The following MAP3K4 variants were observed in gnomAD, a reference collection of about 807,000 sequenced individuals.
The protein encoded by MAP3K4 is mitogen-activated protein kinase kinase kinase 4.
A neutral mutation model predicts 185.6 loss-of-function variants in MAP3K4; 67 were observed. The observed-to-expected ratio is 0.36, with a 90% CI of 0.30 to 0.44. MAP3K4 has a LOEUF of 0.44. MAP3K4 is among the 20% of genes least tolerant of loss of function. MAP3K4 has a pLI of 1.00. For synonymous variants in MAP3K4, 702 were observed against 710.4 expected (o/e 0.99, Z 0.19); for missense variants, 1,551 against 1,995.1 (o/e 0.78, Z 4.24).
At chr6:160,997,652 G>A (rs73022077) in intron 1 of MAP3K4, among the ~76,000 whole-genome samples, 4,280 of 152,244 alleles carry the variant, frequency 0.028, 133 homozygotes, top group African/African-American at 0.076. Context: ...ATTTGAGGTA[G>A]TTTTTCATCT....
chr6:161,055,305 A>G (rs1305680442), intron 3 of MAP3K4, among the ~76,000 whole-genome samples: 2 of 152,218 alleles, frequency 1.3e-5, no homozygotes, highest in African/African-American at 2.4e-5. Context: ...TTACAGTTCA[A>G]TTTAGCTTAG....
chr6:161,045,560 G>A (rs1314671544), intron 2 of MAP3K4, among the ~76,000 whole-genome samples: 1 of 152,122 alleles, frequency 6.6e-6, no homozygotes, highest in Admixed American at 6.5e-5. Flanking sequence ...TTTGCCCCTG[G>A]TAAGTGTAGC....
At chr6:161,018,117 G>A (rs1488521510) in intron 1 of MAP3K4, among the ~76,000 whole-genome samples, 1 of 152,122 alleles carries the variant, frequency 6.6e-6, no homozygotes, top group Non-Finnish European at 1.5e-5. Flanking sequence ...ACTGTGTTGC[G>A]GGGAAGAATA....
rs1784162346 is a variant in MAP3K4, at chr6:161,054,770, G to A, written c.1707+4791G>A. On this transcript the variant is annotated intron_variant, in intron 3 of 26. Coordinates refer to ENST00000392142, the MANE Select transcript of MAP3K4 (RefSeq NM_005922.4). The surrounding 1 kb of genome is among the most constrained non-coding windows in gnomAD (Gnocchi z 4.2). ...TATAGAAACAGTGTTGTAAATAAGAGAGTCTCAGATTATCAAATGAAACTT... is the reference window on the plus strand; with the variant it reads ...TATAGAAACAGTGTTGTAAATAAGAAAGTCTCAGATTATCAAATGAAACTT... Among the ~76,000 whole-genome samples the A allele has an allele frequency of 2.0e-5, 3 of 152,154 alleles. No homozygotes were observed. The highest frequency in any genetic ancestry group is 1.3e-4 in the Admixed American group (2 of 15,278).
rs1052368057 is a variant in MAP3K4 at position 161,037,075 on chromosome 6, C to T, written c.343+2626C>T. Reference sequence around the variant, plus strand: ...GAAAGTGGCTTCACATGTATGCCAGCTGGTGAACTATTTCTTGCGGACATT... The same window carrying T: ...GAAAGTGGCTTCACATGTATGCCAGTTGGTGAACTATTTCTTGCGGACATT... On this transcript the variant is annotated intron_variant, in intron 2 of 26. Transcript: ENST00000392142. The surrounding 1 kb of genome is among the most constrained non-coding windows in gnomAD (Gnocchi z 4.2). Among the ~76,000 whole-genome samples, 6 of 152,190 alleles carry T rather than the reference C, an allele frequency of 3.9e-5. No individual in the cohort carries two copies. The highest frequency in any genetic ancestry group is 9.7e-5 in the African/African-American group (4 of 41,442).
chr6:161,017,192 G>A lies in MAP3K4; in HGVS notation c.153-17067G>A, dbSNP rs1782156209. Among the ~76,000 whole-genome samples the A allele has an allele frequency of 6.6e-6, 1 of 152,096 alleles. No homozygotes were observed. Among genetic ancestry groups the A allele is most frequent in the South Asian group, 2.1e-4 (1 of 4,820 alleles). On this transcript the variant is annotated intron_variant, in intron 1 of 26. Coordinates refer to ENST00000392142, the MANE Select transcript of MAP3K4 (RefSeq NM_005922.4). The surrounding 1 kb of genome is among the most constrained non-coding windows in gnomAD (Gnocchi z 5.1). The stretch of plus-strand genomic sequence containing the variant: ...TTCTATACAGTTAAAATTATTCTTG[G>A]TAGAGGAGGGATACATTTGTATAAT...
chr6:161,019,046 T>C (rs1782246818), intron 1 of MAP3K4, among the ~76,000 whole-genome samples: 1 of 152,128 alleles, frequency 6.6e-6, no homozygotes, highest in Admixed American at 6.5e-5. Flanking sequence ...ACCAGTGACA[T>C]GTGGAATAGT....
rs573609470 is a variant in MAP3K4, at chr6:160,993,265, T to C, written c.152+1182T>C. 3.3e-5 allele frequency among the ~76,000 whole-genome samples: 5 copies of C among 152,360 alleles called. No individual in the cohort carries two copies. In the East Asian group the frequency reaches 9.6e-4, roughly 29 times the overall value. Reference sequence around the variant, plus strand: ...GTACAGGGTGTAATGAGAATTCCTTTGGTTCCTTTTGAATACATCTAGTAT... The same window carrying C: ...GTACAGGGTGTAATGAGAATTCCTTCGGTTCCTTTTGAATACATCTAGTAT... On this transcript the variant is annotated intron_variant, in intron 1 of 26. Transcript: ENST00000392142.
rs1781266131 is a variant in MAP3K4 at position 161,000,982 on chromosome 6, AATATATATTATATATTATAATATACAC to A, written c.152+8904_152+8930del. On this transcript the variant is annotated intron_variant, in intron 1 of 26. Transcript: ENST00000392142. Reference sequence around the variant, plus strand: ...ATATATAATATACACATATGTATATAATATATATTATATATTATAATATACACATATGTATATAATATATATTATATA... The same window carrying A: ...ATATATAATATACACATATGTATATAATATGTATATAATATATATTATATA... Among the ~76,000 whole-genome samples the A allele has an allele frequency of 1.6e-4, 21 of 132,212 alleles. No homozygotes were observed. In the Admixed American group the frequency reaches 1.7e-3, roughly 11 times the overall value. The allele number at this position is 132,212 out of a possible 152,430, so 86.7% of individuals were successfully genotyped here. A position where few individuals can be genotyped will look rare whatever the true frequency, so the allele number is the denominator to read the frequency against.
rs1781708108 is a variant in MAP3K4, at chr6:161,008,732, TC to T, written c.152+16651del. On this transcript the variant is annotated intron_variant, in intron 1 of 26. Coordinates refer to ENST00000392142, the MANE Select transcript of MAP3K4 (RefSeq NM_005922.4). The surrounding 1 kb of genome is among the most constrained non-coding windows in gnomAD (Gnocchi z 4.1). ...GTGAGCAGCATCCTAGAAAATCTCT[TC>T]CTACTTCTTGCACACACTACCCTTT... Among the ~76,000 whole-genome samples the T allele has an allele frequency of 6.6e-6, 1 of 152,176 alleles. No homozygotes were observed. Among genetic ancestry groups the T allele is most frequent in the Non-Finnish European group, 1.5e-5 (1 of 68,030 alleles).
chr6:161,013,341 C>T (rs1038320006), intron 1 of MAP3K4, among the ~76,000 whole-genome samples: 2 of 152,044 alleles, frequency 1.3e-5, no homozygotes, highest in East Asian at 1.9e-4. Flanking sequence ...TCTTCATGAG[C>T]CTTTTCTAAA....
In MAP3K4 at chr6:161,005,521, T is replaced by G. The variant is rs573748093; in HGVS notation, c.152+13438T>G. 1.2e-4 allele frequency among the ~76,000 whole-genome samples: 19 copies of G among 152,168 alleles called. 1 individual carries two copies. In the South Asian group the frequency reaches 3.5e-3, roughly 28 times the overall value. On this transcript the variant is annotated intron_variant, in intron 1 of 26. Transcript: ENST00000392142. ...ATCTAATGAATACCCATTGATTAAG[T>G]CAATTTAGTATCAGAAGTTTTAAAT...
Position 161,086,265 on chromosome 6 carries a change from A to G in MAP3K4, c.2373-114A>G. 1.8e-6 allele frequency: 1 copy of G among 568,880 alleles called. No individual in the cohort carries two copies. The highest frequency in any genetic ancestry group is 3.1e-6 in the Non-Finnish European group (1 of 323,578). The allele number at this position is 568,880 out of a possible 1,614,324, so 35.2% of individuals were successfully genotyped here. ...GTTTGTTCCCATTTAAAAAATCCTC[A>G]GTCTTTATTTATTACTGTGATTTGG... On this transcript the variant is annotated intron_variant, in intron 7 of 26. Coordinates refer to ENST00000392142, the MANE Select transcript of MAP3K4 (RefSeq NM_005922.4). This position sits in a 1 kb window ranked among gnomAD's most constrained non-coding sequence, Gnocchi z 4.8.
In MAP3K4 at chr6:161,017,214, T is replaced by C. The variant is rs1484111224; in HGVS notation, c.153-17045T>C. On this transcript the variant is annotated intron_variant, in intron 1 of 26. Coordinates refer to ENST00000392142, the MANE Select transcript of MAP3K4 (RefSeq NM_005922.4). The surrounding 1 kb of genome is among the most constrained non-coding windows in gnomAD (Gnocchi z 5.1). ...TTGGTAGAGGAGGGATACATTTGTATAATTAAATGTAGGTTTTCGGAAATT... is the reference window on the plus strand; with the variant it reads ...TTGGTAGAGGAGGGATACATTTGTACAATTAAATGTAGGTTTTCGGAAATT... 6.6e-6 allele frequency among the ~76,000 whole-genome samples: 1 copy of C among 152,208 alleles called. No individual in the cohort carries two copies. The highest frequency in any genetic ancestry group is 2.4e-5 in the African/African-American group (1 of 41,464).
intron 2 of MAP3K4, among the ~76,000 whole-genome samples, chr6:161,045,786 A>T (rs1255353808): frequency 6.6e-6 from 1 of 152,204 alleles, no homozygotes; most frequent in African/African-American, 2.4e-5. Flanking sequence ...CATTAGTTCT[A>T]TAAAGTATTT....
In MAP3K4 at chr6:161,103,183, T is replaced by C. The variant is rs1777911113; in HGVS notation, c.3856+404T>C. ...TAGCAGAAAAATCATTGGTCTAGTA[T>C]TTAATGATCTATAAAATGCTTTCAT... On this transcript the variant is annotated intron_variant, in intron 19 of 26. Coordinates refer to ENST00000392142, the MANE Select transcript of MAP3K4 (RefSeq NM_005922.4). The surrounding 1 kb of genome is among the most constrained non-coding windows in gnomAD (Gnocchi z 4.6). Among the ~76,000 whole-genome samples the C allele has an allele frequency of 6.6e-6, 1 of 152,246 alleles. No homozygotes were observed. The highest frequency in any genetic ancestry group is 1.5e-5 in the Non-Finnish European group (1 of 68,052).
At position 161,074,311 on chromosome 6, in the gene MAP3K4, T is replaced by C. The variant is rs780851809; in HGVS notation, c.2097+699T>C. Among the ~76,000 whole-genome samples, 12 of 152,258 alleles carry C rather than the reference T, an allele frequency of 7.9e-5. No individual in the cohort carries two copies. The highest frequency in any genetic ancestry group is 1.3e-4 in the Non-Finnish European group (9 of 68,048). ...TATTTTGTCATAAAAAGAGACCTCC[T>C]GTCTTCTCACTTACACTGAATGTGC... On this transcript the variant is annotated intron_variant, in intron 5 of 26. Transcript: ENST00000392142. The surrounding 1 kb of genome is among the most constrained non-coding windows in gnomAD (Gnocchi z 5.0).
chr6:161,106,717 A>T lies in MAP3K4; in HGVS notation c.4048+12A>T, dbSNP rs745596429. 6.2e-7 allele frequency: 1 copy of T among 1,601,510 alleles called. No individual in the cohort carries two copies. Among genetic ancestry groups the T allele is most frequent in the Admixed American group, 1.7e-5 (1 of 59,030 alleles). Reference sequence around the variant, plus strand: ...AGGAAACAAAATTGGTAAGGAAATTAAGGAGCATGATGTCAAGATAGTCCC... The same window carrying T: ...AGGAAACAAAATTGGTAAGGAAATTTAGGAGCATGATGTCAAGATAGTCCC... On this transcript the variant is annotated intron_variant, in intron 20 of 26. Coordinates refer to ENST00000392142, the MANE Select transcript of MAP3K4 (RefSeq NM_005922.4). This position sits in a 1 kb window ranked among gnomAD's most constrained non-coding sequence, Gnocchi z 4.9.
intron 1 of MAP3K4, among the ~76,000 whole-genome samples, chr6:161,026,276 G>T (rs569167673): frequency 3.3e-5 from 5 of 149,622 alleles, no homozygotes; most frequent in Admixed American, 2.0e-4. Flanking sequence ...GATTACAGGT[G>T]CCCGCCACCA....
Sources: allele counts gnomAD v4.1 joint callset (sites outside exome capture counted in the v4.1 genomes callset), GRCh38; gene constraint gnomAD v4.1.1; non-coding constraint Gnocchi (gnomAD v3.1); transcripts MANE v1.5; gene names NCBI Gene and HGNC (gene_info 2026-07-23, HGNC 2026-07-21).